Variants in MRM1 observed in about 807,000 individuals in gnomAD.
MRM1 encodes the protein mitochondrial rRNA methyltransferase 1.
In MRM1, 24 loss-of-function variants were observed where a neutral mutation model predicts 25.0. The observed-to-expected ratio is 0.96, with a 90% CI of 0.69 to 1.35. The LOEUF is 1.35. Among genes scored for constraint, MRM1 ranks in the 40% most tolerant of loss-of-function variants. MRM1 has a pLI of 0.00. For missense variants in MRM1, 431 were observed against 464.1 expected (o/e 0.93, Z 0.65); for synonymous variants, 188 against 199.2 (o/e 0.94, Z 0.47).
At chr17:36,606,693 C>T (rs961573713) in intron 2 of MRM1, among the ~76,000 whole-genome samples, 6 of 151,430 alleles carry the variant, frequency 4.0e-5, no homozygotes, top group African/African-American at 9.7e-5. Context: ...CTGCAACCTC[C>T]GCCTCCCGGG....
chr17:36,633,576 A>AGGAGGAGGAAGAGGAAGAAGAGAAGG, the MRM1 span, among the ~76,000 whole-genome samples: 2 of 151,158 alleles, frequency 1.3e-5, no homozygotes, highest in Admixed American at 6.6e-5. Flanking sequence ...AGAGGAGAAG[A>AGGAGGAGGAAGAGGAAGAAGAGAAGG]GGAGGAGGAA....
chr17:36,628,906 G>A, the MRM1 span, among the ~76,000 whole-genome samples: 1 of 152,172 alleles, frequency 6.6e-6, no homozygotes, highest in East Asian at 1.9e-4. Context: ...GACTCCATCA[G>A]GCTGATCAAG....
At chr17:36,625,841 A>G in the MRM1 span, among the ~76,000 whole-genome samples, 1 of 151,776 alleles carries the variant, frequency 6.6e-6, no homozygotes, top group African/African-American at 2.4e-5. Flanking sequence ...ACACCTGACA[A>G]TCTGTAGGCT....
downstream of MRM1, among the ~76,000 whole-genome samples, chr17:36,612,531 G>A (rs2074983076): frequency 6.6e-6 from 1 of 152,178 alleles, no homozygotes; most frequent in Non-Finnish European, 1.5e-5. Flanking sequence ...CACGGGAGCT[G>A]GGGAGGCTGT....
the MRM1 span, among the ~76,000 whole-genome samples, chr17:36,624,529 G>C: frequency 1.3e-5 from 2 of 152,298 alleles, no homozygotes; most frequent in South Asian, 4.1e-4. The surrounding 1 kb of genome is among the most constrained non-coding windows in gnomAD (Gnocchi z 4.0). Flanking sequence ...GTACAACCGG[G>C]TCTCTCAAAG....
Position 36,607,741 on chromosome 17 carries a change from CG to C in MRM1, c.709del (p.Glu237ArgfsTer5). The C allele has an allele frequency of 6.2e-7, 1 of 1,614,194 alleles. No individual in the cohort carries two copies. Among genetic ancestry groups the C allele is most frequent in the Non-Finnish European group, 8.5e-7 (1 of 1,180,022 alleles). ...CAAGCACAGAGGATCCCCAGTCCTC[CG>C]AGATCCCCATCATGAGTTGCTTGGA... ...CPSTEDPQSSEIPIMSCLEFL... is the reference protein window; with the variant it reads ...CPSTEDPQSSXIPIMSCLEFL... On this transcript the variant is annotated frameshift_variant, in exon 3 of 5. Transcript: ENST00000614766. LOFTEE classifies it high-confidence loss of function.
chr17:36,633,632 AAGG>A, the MRM1 span, among the ~76,000 whole-genome samples: 8 of 150,578 alleles, frequency 5.3e-5, no homozygotes, highest in African/African-American at 1.2e-4. Flanking sequence ...AGAGCAGGAA[AAGG>A]AGGAGGAGGA....
chr17:36,604,731 G>A (rs528195803), intron 2 of MRM1, among the ~76,000 whole-genome samples: 15 of 151,400 alleles, frequency 9.9e-5, no homozygotes, highest in Admixed American at 7.9e-4. Flanking sequence ...GCTTGAACCC[G>A]GGAGGTGGAG....
rs368525713 is a variant in MRM1 at position 36,601,977 on chromosome 17, C to G, written c.167C>G (p.Thr56Ser). The change falls in exon 1 of 5, where the codon ACC becomes AGC. Residue 56 changes from threonine (T) to serine (S), a missense_variant. Coordinates refer to ENST00000614766, the MANE Select transcript of MRM1 (RefSeq NM_024864.5). Reference protein sequence around the residue: ...TSRLELLFGMTPCLLALQAAR... With the variant: ...TSRLELLFGMSPCLLALQAAR... ...CGGCTGGAGCTTCTGTTTGGCATGA[C>G]CCCGTGTCTCCTGGCTCTGCAGGCC... is the stretch of plus-strand genomic sequence containing the variant. The G allele has an allele frequency of 6.2e-7, 1 of 1,612,322 alleles. No individual in the cohort carries two copies. The highest frequency in any genetic ancestry group is 8.5e-7 in the Non-Finnish European group (1 of 1,179,670).
chr17:36,630,411 C>T, the MRM1 span, among the ~76,000 whole-genome samples: 10 of 152,146 alleles, frequency 6.6e-5, no homozygotes, highest in Admixed American at 2.6e-4. Context: ...TCCGCTTGCC[C>T]GCTCTTTGTC....
In MRM1 at chr17:36,601,970, G is replaced by T; in HGVS notation, c.160G>T (p.Gly54Cys). The T allele has an allele frequency of 6.2e-7, 1 of 1,612,814 alleles. No homozygotes were observed. ...GACCTCTCGGCTGGAGCTTCTGTTT[G>T]GCATGACCCCGTGTCTCCTGGCTCT... ...VPTSRLELLF[G>C]MTPCLLALQA... Residue 54 changes from glycine (G) to cysteine (C), a missense_variant, in exon 1 of 5, where the codon GGC (glycine) becomes TGC (cysteine). Physicochemically the swap from Gly to Cys is radical, Grantham distance 159. Coordinates refer to ENST00000614766, the MANE Select transcript of MRM1 (RefSeq NM_024864.5).
At chr17:36,609,757 C>T (rs183433441), downstream of MRM1, among the ~76,000 whole-genome samples, 209 of 152,338 alleles carry the variant, frequency 1.4e-3, 1 homozygote, top group African/African-American at 4.7e-3. Context: ...AATAATCCTA[C>T]CTTCCTGGAT....
chr17:36,602,049 G>A lies in MRM1; in HGVS notation c.239G>A (p.Gly80Glu). ...CTCCTGCTCCAGGCGGGTAAAGCTG[G>A]GCTGCAGGGGAAGCGGGCCGAGCTG... The part of the protein sequence containing the change: ...ARLLLQAGKA[G>E]LQGKRAELLR... Residue 80 changes from glycine (G) to glutamate (E), a missense_variant, in exon 1 of 5, where the codon GGG becomes GAG. Gly to Glu is a moderately conservative substitution (Grantham distance 98). Transcript: ENST00000614766. This position sits in a 1 kb window ranked among gnomAD's most constrained non-coding sequence, Gnocchi z 4.1. 1.2e-6 allele frequency: 2 copies of A among 1,610,326 alleles called. No homozygotes were observed. The highest frequency in any genetic ancestry group is 1.7e-6 in the Non-Finnish European group (2 of 1,179,034).
At chr17:36,615,721 C>T in the MRM1 span, among the ~76,000 whole-genome samples, 52 of 151,622 alleles carry the variant, frequency 3.4e-4, no homozygotes, top group African/African-American at 1.2e-3. Context: ...CTAAGCCAGG[C>T]GTGGTGGCTC....
At position 36,602,997 on chromosome 17, in the gene MRM1, A is replaced by G. The variant is rs941839031; in HGVS notation, c.636+351A>G. On this transcript the variant is annotated intron_variant, in intron 2 of 4. Transcript: ENST00000614766. The surrounding 1 kb of genome is among the most constrained non-coding windows in gnomAD (Gnocchi z 4.1). ...CGTACAGGAGACCTGAGTTCCTCGA[A>G]TAGGGCACAGCTTGAAAGGATGTTT... 1.0e-6 allele frequency: 1 copy of G among 985,362 alleles called. No homozygotes were observed. Among genetic ancestry groups the G allele is most frequent in the Non-Finnish European group, 1.2e-6 (1 of 829,924 alleles). 61.0% of individuals were successfully genotyped at this position (985,362 alleles called of 1,614,324 possible).
At position 36,608,493 on chromosome 17, in the gene MRM1, G is replaced by A; in HGVS notation, c.*78G>A. 1 of 988,726 alleles carries A rather than the reference G, an allele frequency of 1.0e-6. No homozygotes were observed. The allele number at this position is 988,726 out of a possible 1,614,324, so 61.2% of individuals were successfully genotyped here. On this transcript the variant is annotated 3_prime_UTR_variant, in exon 5 of 5. Coordinates refer to ENST00000614766, the MANE Select transcript of MRM1 (RefSeq NM_024864.5). Reference sequence around the variant, plus strand: ...CTCCGCCGGCTCCAGTGTGCGGGGAGCCTCTGCCTGAGTGTGCACCAGGCC... The same window carrying A: ...CTCCGCCGGCTCCAGTGTGCGGGGAACCTCTGCCTGAGTGTGCACCAGGCC...
downstream of MRM1, among the ~76,000 whole-genome samples, chr17:36,611,090 C>T (rs1475782929): frequency 1.3e-5 from 2 of 152,360 alleles, no homozygotes; most frequent in African/African-American, 2.4e-5. Context: ...GCTGGGATTA[C>T]AGGCGTGCAC....
At chr17:36,620,557 C>T in the MRM1 span, among the ~76,000 whole-genome samples, 1 of 152,188 alleles carries the variant, frequency 6.6e-6, no homozygotes, top group Non-Finnish European at 1.5e-5. Context: ...AGTGAGCTCC[C>T]TGTCACTAGA....
At chr17:36,626,130 C>T in the MRM1 span, among the ~76,000 whole-genome samples, 2 of 152,300 alleles carry the variant, frequency 1.3e-5, no homozygotes, top group Non-Finnish European at 2.9e-5. Context: ...CCCTCCCCGC[C>T]CCCGGACCCA....
Sources: gnomAD v4.1 joint callset for allele counts (sites outside exome capture counted in the v4.1 genomes callset) on GRCh38, gnomAD v4.1.1 for gene constraint, Gnocchi (gnomAD v3.1) non-coding constraint, MANE v1.5 for transcripts, NCBI Gene and HGNC (gene_info 2026-07-23, HGNC 2026-07-21) for gene names.